PAQR5: variants seen among roughly 807,000 people sequenced by gnomAD.
PAQR5 encodes progestin and adipoQ receptor family member 5.
A neutral mutation model predicts 34.5 loss-of-function variants in PAQR5; 20 were observed. The observed-to-expected ratio is 0.58, with a 90% CI of 0.41 to 0.84. PAQR5 has a LOEUF of 0.84. PAQR5 is among the 40% of genes least tolerant of loss of function. The pLI is 0.00. For missense variants in PAQR5, 378 were observed against 412.7 expected, an observed-to-expected ratio of 0.92 and a Z score of 0.73; for synonymous variants, 131 against 155.6, an observed-to-expected ratio of 0.84 and a Z score of 1.18.
At chr15:69,367,594 A>G (rs2055436236) in intron 3 of PAQR5, among the ~76,000 whole-genome samples, 1 of 152,212 alleles carries the variant, frequency 6.6e-6, no homozygotes, top group Admixed American at 6.5e-5. Flanking sequence ...GGTCTACAGC[A>G]ATACCACCCT....
At chr15:69,316,622 A>G (rs2053957730) in intron 1 of PAQR5, among the ~76,000 whole-genome samples, 1 of 152,204 alleles carries the variant, frequency 6.6e-6, no homozygotes. Flanking sequence ...AGGCCAGAGA[A>G]GGCATGTCCC....
At chr15:69,378,803 C>A (rs2055795228) in intron 3 of PAQR5, among the ~76,000 whole-genome samples, 1 of 152,118 alleles carries the variant, frequency 6.6e-6, no homozygotes, top group Non-Finnish European at 1.5e-5. Flanking sequence ...TATCTGGAGA[C>A]ATTTCTGTTT....
intron 2 of PAQR5, among the ~76,000 whole-genome samples, chr15:69,342,002 A>G (rs531756946): frequency 6.6e-6 from 1 of 151,784 alleles, no homozygotes; most frequent in African/African-American, 2.4e-5. Flanking sequence ...TTGCTGGATT[A>G]TATGGTAATT....
Position 69,407,554 on chromosome 15 carries a change from A to G in PAQR5, c.*3732A>G, listed in dbSNP as rs2056762569. 6.6e-6 allele frequency: 1 copy of G among 152,214 alleles called. No individual in the cohort carries two copies. The highest frequency in any genetic ancestry group is 1.5e-5 in the Non-Finnish European group (1 of 68,040). 9.4% of individuals were successfully genotyped at this position (152,214 alleles called of 1,614,324 possible). A position where few individuals can be genotyped will look rare whatever the true frequency, so the allele number is the denominator to read the frequency against. On this transcript the variant is annotated 3_prime_UTR_variant, in exon 9 of 9. Transcript: ENST00000395407. Reference sequence around the variant, plus strand: ...CCATTAAGGCAAAGACCTGTTTCCAAACTCAGATGTTCTCCAACTTACACT... The same window carrying G: ...CCATTAAGGCAAAGACCTGTTTCCAGACTCAGATGTTCTCCAACTTACACT...
intron 1 of PAQR5, among the ~76,000 whole-genome samples, chr15:69,327,854 C>T (rs140691666): frequency 1.9e-4 from 29 of 152,232 alleles, no homozygotes; most frequent in African/African-American, 6.7e-4. Flanking sequence ...TCTCAGACTC[C>T]CAGGGCCCTC....
At chr15:69,398,305 G>A (rs1335020773) in intron 7 of PAQR5, among the ~76,000 whole-genome samples, 1 of 152,054 alleles carries the variant, frequency 6.6e-6, no homozygotes, top group African/African-American at 2.4e-5. Context: ...GACTAGAAGG[G>A]GAAAGTCCAC....
Position 69,378,911 on chromosome 15 carries a change from A to G in PAQR5, c.52-972A>G, listed in dbSNP as rs531669706. On this transcript the variant is annotated intron_variant, in intron 3 of 8. Coordinates refer to ENST00000395407, the MANE Select transcript of PAQR5 (RefSeq NM_017705.4). ...TGAAAGGACTCACAGGTTGGCCCCC[A>G]CAACAAACAATGATCTGGCCCAAAG... Among the ~76,000 whole-genome samples the G allele has an allele frequency of 1.2e-4, 18 of 152,284 alleles. No homozygotes were observed. In the East Asian group the frequency reaches 1.7e-3, roughly 15 times the overall value.
chr15:69,355,328 CTT>C (rs1273477920), intron 2 of PAQR5, among the ~76,000 whole-genome samples: 2 of 50,728 alleles, frequency 3.9e-5, no homozygotes, highest in Non-Finnish European at 7.5e-5. Context: ...TTCTTTCTTT[CTT>C]TCTTTCTTTC....
At position 69,385,101 on chromosome 15, in the gene PAQR5, C is replaced by T. The variant is rs868500618; in HGVS notation, c.385+219C>T. Among the ~76,000 whole-genome samples, 3 of 152,200 alleles carry T rather than the reference C, an allele frequency of 2.0e-5. No individual in the cohort carries two copies. Among genetic ancestry groups the T allele is most frequent in the African/African-American group, 7.2e-5 (3 of 41,438 alleles). On this transcript the variant is annotated intron_variant, in intron 5 of 8. Transcript: ENST00000395407. The surrounding 1 kb of genome is among the most constrained non-coding windows in gnomAD (Gnocchi z 4.7). ...ACTGGCTCTGTGGGGACAACAGCCC[C>T]GATCTGCAGTGTTGCCAGTTTCTGT...
Position 69,322,811 on chromosome 15 carries a change from G to GGAAGAAGAAGAAGAAGAA in PAQR5, c.-276-14521_-276-14504dup, listed in dbSNP as rs1360531654. On this transcript the variant is annotated intron_variant, in intron 1 of 8. Coordinates refer to ENST00000395407, the MANE Select transcript of PAQR5 (RefSeq NM_017705.4). ...ACGAGGAAGAAGAAGAAGAGGAAGA[G>GGAAGAAGAAGAAGAAGAA]GAAGAAGAAGAAGAAGAAGAAGAAG... Among the ~76,000 whole-genome samples the GGAAGAAGAAGAAGAAGAA allele has an allele frequency of 1.3e-3, 32 of 25,370 alleles. 10 individuals are homozygous for GGAAGAAGAAGAAGAAGAA. Among genetic ancestry groups the GGAAGAAGAAGAAGAAGAA allele is most frequent in the African/African-American group, 2.7e-3 (29 of 10,838 alleles). 16.6% of individuals were successfully genotyped at this position (25,370 alleles called of 152,430 possible).
intron 1 of PAQR5, among the ~76,000 whole-genome samples, chr15:69,324,898 C>CTT (rs11355683): frequency 8.0e-5 from 11 of 136,750 alleles, no homozygotes; most frequent in African/African-American, 1.6e-4. Context: ...AGTTTCATTT[C>CTT]TTTTTTTTTT....
chr15:69,348,286 A>T (rs953854715), intron 2 of PAQR5, among the ~76,000 whole-genome samples: 1 of 152,218 alleles, frequency 6.6e-6, no homozygotes, highest in Admixed American at 6.5e-5. Flanking sequence ...TATGTCTCTT[A>T]AGTATAAGAA....
At chr15:69,330,270 C>T (rs2054349366) in intron 1 of PAQR5, among the ~76,000 whole-genome samples, 1 of 152,204 alleles carries the variant, frequency 6.6e-6, no homozygotes. Flanking sequence ...TTGCTTCTAA[C>T]CCCAAGCTGT....
At chr15:69,351,519 CT>C (rs2054916980) in intron 2 of PAQR5, among the ~76,000 whole-genome samples, 1 of 152,266 alleles carries the variant, frequency 6.6e-6, no homozygotes, top group Non-Finnish European at 1.5e-5. Context: ...CCAGAAGCAA[CT>C]TGCTCTCAGC....
chr15:69,348,196 A>T (rs2140773605), intron 2 of PAQR5, among the ~76,000 whole-genome samples: 2 of 152,260 alleles, frequency 1.3e-5, no homozygotes, highest in East Asian at 1.9e-4. Context: ...TAAAACATAA[A>T]ATTAATTTTC....
intron 1 of PAQR5, among the ~76,000 whole-genome samples, chr15:69,319,418 A>G (rs985623284): frequency 1.9e-4 from 29 of 151,354 alleles, no homozygotes; most frequent in Non-Finnish European, 5.9e-5. Context: ...ATTCTAGGCC[A>G]TGTGACCCGA....
At chr15:69,399,298 C>T (rs2056548377) in intron 7 of PAQR5, among the ~76,000 whole-genome samples, 3 of 152,216 alleles carry the variant, frequency 2.0e-5, no homozygotes, top group African/African-American at 7.2e-5. Flanking sequence ...GGATTTTCTT[C>T]CACCTCTGCC....
chr15:69,338,700 T>G (rs2054567463), intron 2 of PAQR5, among the ~76,000 whole-genome samples: 1 of 152,216 alleles, frequency 6.6e-6, no homozygotes, highest in Non-Finnish European at 1.5e-5. Context: ...AGACCGCCTT[T>G]GCAAAATTAT....
chr15:69,313,712 G>A (rs1262780330), intron 1 of PAQR5, among the ~76,000 whole-genome samples: 2 of 152,172 alleles, frequency 1.3e-5, no homozygotes, highest in African/African-American at 2.4e-5. Context: ...CCCGAGAGGA[G>A]GTTGAGTGTC....
Sources: gnomAD v4.1 joint callset for allele counts (sites outside exome capture counted in the v4.1 genomes callset) on GRCh38, gnomAD v4.1.1 for gene constraint, Gnocchi (gnomAD v3.1) non-coding constraint, MANE v1.5 for transcripts, NCBI Gene and HGNC (gene_info 2026-07-23, HGNC 2026-07-21) for gene names.